RORB: variants seen among roughly 807,000 people sequenced by gnomAD.
RORB encodes the protein nuclear receptor ROR-beta.
A neutral mutation model predicts 59.1 loss-of-function variants in RORB; 6 were observed. The ratio of observed to expected loss-of-function variants is 0.10; its 90% CI spans 0.06 to 0.20. The LOEUF is 0.20. Among genes scored for constraint, RORB ranks in the 10% least tolerant of loss-of-function variants. RORB has a pLI of 1.00. For synonymous variants in RORB, 215 were observed against 204.5 expected, an observed-to-expected ratio of 1.05 and a Z score of -0.44; for missense variants, 320 against 560.5, an observed-to-expected ratio of 0.57 and a Z score of 4.33.
chr9:74,521,486 A>G (rs984836414), intron 1 of RORB, among the ~76,000 whole-genome samples: 1 of 151,854 alleles, frequency 6.6e-6, no homozygotes, highest in Non-Finnish European at 1.5e-5. Context: ...AATCAAACAC[A>G]CCCCAAAGTG....
intron 4 of RORB, 27 bp downstream of exon 4, chr9:74,642,842 T>C: frequency 2.6e-6 from 4 of 1,525,066 alleles, no homozygotes; most frequent in Non-Finnish European, 3.5e-6. Context: ...TCCCAGTGGC[T>C]TTTTTTGAGA....
rs985509801 is a variant in RORB at position 74,561,483 on chromosome 9, T to G, written c.7+63500T>G. ...TTTATTTCTAGTATAAAATAACATT[T>G]TAGGACTTAATGTGCCATGTTCATC... On this transcript the variant is annotated intron_variant, in intron 1 of 9. Transcript: ENST00000376896. 4.6e-4 allele frequency among the ~76,000 whole-genome samples: 70 copies of G among 152,196 alleles called. 2 individuals carry two copies.
At chr9:74,651,808 G>A (rs1823997876) in intron 4 of RORB, among the ~76,000 whole-genome samples, 1 of 152,128 alleles carries the variant, frequency 6.6e-6, no homozygotes, top group Admixed American at 6.5e-5. Flanking sequence ...CTTTCTGACT[G>A]TTCTGTGAAG....
intron 1 of RORB, among the ~76,000 whole-genome samples, chr9:74,607,122 T>A (rs1823161040): frequency 6.6e-6 from 1 of 152,200 alleles, no homozygotes. Flanking sequence ...ATGTTGCATA[T>A]TCAGCAACAT....
At chr9:74,572,152 T>C (rs112069142) in intron 1 of RORB, among the ~76,000 whole-genome samples, 2 of 152,292 alleles carry the variant, frequency 1.3e-5, no homozygotes, top group African/African-American at 4.8e-5. Flanking sequence ...AATGAAAAGC[T>C]CCATCGTTCT....
rs1288239880 is a variant in RORB, at chr9:74,685,643, G to C, written c.*25G>C. On this transcript the variant is annotated 3_prime_UTR_variant, in exon 10 of 10. Transcript: ENST00000376896. The stretch of plus-strand genomic sequence containing the variant: ...AAGGGGACAAGAGAACTGTCTCATA[G>C]TCATGGAATGCATCACCATTAAGAC... 6.5e-7 allele frequency: 1 copy of C among 1,529,644 alleles called. No homozygotes were observed. Among genetic ancestry groups the C allele is most frequent in the Admixed American group, 1.9e-5 (1 of 52,232 alleles). The allele number at this position is 1,529,644 out of a possible 1,614,324, so 94.8% of individuals were successfully genotyped here.
chr9:74,517,838 A>G (rs1466205773), intron 1 of RORB, among the ~76,000 whole-genome samples: 2 of 152,044 alleles, frequency 1.3e-5, no homozygotes, highest in Admixed American at 1.3e-4. Context: ...CATCATAGGT[A>G]ATTCTTGTTG....
intron 9 of RORB, among the ~76,000 whole-genome samples, chr9:74,677,088 C>T (rs924053762): frequency 6.6e-6 from 1 of 152,086 alleles, no homozygotes; most frequent in Admixed American, 6.5e-5. Context: ...CCCGGATCCC[C>T]CACAGACCGC....
Position 74,685,798 on chromosome 9 carries a change from TTTTA to T in RORB, c.*184_*187del, listed in dbSNP as rs1380030842. 1.2e-5 allele frequency: 5 copies of T among 407,268 alleles called. No homozygotes were observed. Among genetic ancestry groups the T allele is most frequent in the African/African-American group, 2.0e-5 (1 of 48,894 alleles). The allele number at this position is 407,268 out of a possible 1,614,324, so 25.2% of individuals were successfully genotyped here. A position where few individuals can be genotyped will look rare whatever the true frequency, so the allele number is the denominator to read the frequency against. On this transcript the variant is annotated 3_prime_UTR_variant, in exon 10 of 10. Transcript: ENST00000376896. ...GTAAATATGCACCTGAGTGGGGCTC[TTTTA>T]TTTGTTTGTTTGTTTTTGAAATGAC...
Position 74,613,181 on chromosome 9 carries a change from G to T in RORB, c.8-17101G>T, listed in dbSNP as rs911663256. Among the ~76,000 whole-genome samples, 27 of 152,308 alleles carry T rather than the reference G, an allele frequency of 1.8e-4. 1 individual carries two copies. The highest frequency in any genetic ancestry group is 5.8e-4 in the African/African-American group (24 of 41,568). ...TTGAACTATGTTTACTGAATTCCCAGTGTGTTTCAGACACAATATTAAGCA... is the reference window on the plus strand; with the variant it reads ...TTGAACTATGTTTACTGAATTCCCATTGTGTTTCAGACACAATATTAAGCA... On this transcript the variant is annotated intron_variant, in intron 1 of 9. Coordinates refer to ENST00000376896, the MANE Select transcript of RORB (RefSeq NM_006914.4).
rs1824665228 is a variant in RORB, at chr9:74,687,390, G to A, written c.*1772G>A. 6.6e-6 allele frequency: 1 copy of A among 151,644 alleles called. No individual in the cohort carries two copies. Among genetic ancestry groups the A allele is most frequent in the African/African-American group, 2.4e-5 (1 of 41,230 alleles). 9.4% of individuals were successfully genotyped at this position (151,644 alleles called of 1,614,324 possible). Reference sequence around the variant, plus strand: ...TTGATTTCTTTTTTTAATCTCTTATGCTCTCCTGAAGTTCATGGTTGAGCA... The same window carrying A: ...TTGATTTCTTTTTTTAATCTCTTATACTCTCCTGAAGTTCATGGTTGAGCA... On this transcript the variant is annotated 3_prime_UTR_variant, in exon 10 of 10. Coordinates refer to ENST00000376896, the MANE Select transcript of RORB (RefSeq NM_006914.4).
At chr9:74,586,334 C>T (rs1822798863) in intron 1 of RORB, among the ~76,000 whole-genome samples, 1 of 151,578 alleles carries the variant, frequency 6.6e-6, no homozygotes, top group Non-Finnish European at 1.5e-5. Context: ...CCTATCTCTA[C>T]AAAATATACA....
intron 9 of RORB, among the ~76,000 whole-genome samples, chr9:74,684,169 G>A (rs575102974): frequency 1.3e-5 from 2 of 152,306 alleles, no homozygotes; most frequent in East Asian, 3.9e-4. Context: ...ATTGCTTGTA[G>A]TATGGTTATA....
In RORB at chr9:74,584,136, G is replaced by A. The variant is rs112195964; in HGVS notation, c.8-46146G>A. The stretch of plus-strand genomic sequence containing the variant: ...TAAAAAATATTAATATCATGAAATA[G>A]GCTATTACTGGTAGGCTCAGTGCAG... On this transcript the variant is annotated intron_variant, in intron 1 of 9. Coordinates refer to ENST00000376896, the MANE Select transcript of RORB (RefSeq NM_006914.4). 1.9e-3 allele frequency among the ~76,000 whole-genome samples: 288 copies of A among 152,302 alleles called. 2 individuals carry two copies. Among genetic ancestry groups the A allele is most frequent in the African/African-American group, 6.6e-3 (276 of 41,560 alleles).
At chr9:74,656,018 C>G (rs1320864983) in intron 4 of RORB, among the ~76,000 whole-genome samples, 1 of 152,204 alleles carries the variant, frequency 6.6e-6, no homozygotes, top group East Asian at 1.9e-4. Flanking sequence ...TTTCCCACCA[C>G]AAGGATATGG....
At chr9:74,683,915 C>G (rs1824591075) in intron 9 of RORB, among the ~76,000 whole-genome samples, 1 of 152,124 alleles carries the variant, frequency 6.6e-6, no homozygotes, top group South Asian at 2.1e-4. Flanking sequence ...ACTAGGCATG[C>G]AATTCCTTGT....
In RORB at chr9:74,505,397, G is replaced by A. The variant is rs544270304; in HGVS notation, c.7+7414G>A. 1.4e-4 allele frequency among the ~76,000 whole-genome samples: 21 copies of A among 152,076 alleles called. No homozygotes were observed. In the South Asian group the frequency reaches 4.4e-3, roughly 32 times the overall value. On this transcript the variant is annotated intron_variant, in intron 1 of 9. Coordinates refer to ENST00000376896, the MANE Select transcript of RORB (RefSeq NM_006914.4). Reference sequence around the variant, plus strand: ...TCAGTTTTAATTTTAAAAAGAATAAGCTCAAAGATGATGTCATCTTTTACA... The same window carrying A: ...TCAGTTTTAATTTTAAAAAGAATAAACTCAAAGATGATGTCATCTTTTACA...
At chr9:74,606,727 T>C (rs1460420920) in intron 1 of RORB, among the ~76,000 whole-genome samples, 1 of 152,210 alleles carries the variant, frequency 6.6e-6, no homozygotes, top group African/African-American at 2.4e-5. Context: ...GCTAAGTTGG[T>C]TTAACACTAA....
chr9:74,549,452 A>AAG (rs1554666178), intron 1 of RORB, among the ~76,000 whole-genome samples: 3 of 146,580 alleles, frequency 2.0e-5, no homozygotes, highest in African/African-American at 5.0e-5. Context: ...AAAAAAAAAA[A>AAG]AAGAAGAAAG....
Sources: gnomAD v4.1 joint callset for allele counts (sites outside exome capture counted in the v4.1 genomes callset) on GRCh38, gnomAD v4.1.1 for gene constraint, MANE v1.5 for transcripts, NCBI Gene and HGNC (gene_info 2026-07-23, HGNC 2026-07-21) for gene names.